EVL: variants seen among roughly 807,000 people sequenced by gnomAD.
The protein encoded by EVL is ena/VASP-like protein.
Under a neutral mutation model 59.6 loss-of-function variants are expected in EVL, and 21 were observed. The ratio of observed to expected loss-of-function variants is 0.35; its 90% CI spans 0.25 to 0.51. The LOEUF (loss-of-function observed/expected upper bound fraction) is 0.51, where lower values mean the gene tolerates loss of function less well. Ranked by LOEUF, EVL falls within the 20% of genes least tolerant of loss-of-function variation. The pLI is 0.97. For synonymous variants in EVL, 198 were observed against 203.5 expected, an observed-to-expected ratio of 0.97 and a Z score of 0.23; for missense variants, 462 against 546.6, an observed-to-expected ratio of 0.85 and a Z score of 1.54.
In EVL at chr14:100,132,749, A is replaced by T. The variant is rs763804613; in HGVS notation, c.870A>T (p.Pro290=). 115 of 1,614,064 alleles carry T rather than the reference A, an allele frequency of 7.1e-5. No homozygotes were observed. Among genetic ancestry groups the T allele is most frequent in the Non-Finnish European group, 9.2e-5 (109 of 1,180,038 alleles). ...RRKAASQSDK[P]AEKKEDESQM... is the part of the protein sequence containing the mutation. ...AAGCAGCCTCCCAGTCAGACAAGCC[A>T]GCCGAGAAGAAGGAAGATGAAAGCC... The change falls in exon 8 of 14, where the codon CCA becomes CCT. Residue 290 remains proline, a synonymous_variant. Coordinates refer to ENST00000392920, the MANE Select transcript of EVL (RefSeq NM_016337.3).
At chr14:100,134,071 CGTT>C (rs1215201404) in intron 8 of EVL, among the ~76,000 whole-genome samples, 1 of 152,346 alleles carries the variant, frequency 6.6e-6, no homozygotes, top group African/African-American at 2.4e-5. Context: ...TGTGGAGACT[CGTT>C]GTCTCCTGCC....
intron 1 of EVL, among the ~76,000 whole-genome samples, chr14:100,082,228 C>T (rs555178539): frequency 1.3e-5 from 2 of 151,720 alleles, no homozygotes; most frequent in African/African-American, 2.4e-5. Context: ...CATCTGACTG[C>T]CTTACTAGCT....
chr14:99,976,654 G>A (rs553927043), intron 1 of EVL, among the ~76,000 whole-genome samples: 1 of 152,134 alleles, frequency 6.6e-6, no homozygotes, highest in African/African-American at 2.4e-5. Flanking sequence ...GCTGTTATAA[G>A]GCACATGGGA....
intron 1 of EVL, among the ~76,000 whole-genome samples, chr14:99,980,090 T>C (rs2060796868): frequency 6.6e-6 from 1 of 152,230 alleles, no homozygotes. Context: ...CCATTTTACC[T>C]AAGGGATTTG....
chr14:100,010,763 T>G (rs1047046885), intron 1 of EVL, among the ~76,000 whole-genome samples: 3 of 152,174 alleles, frequency 2.0e-5, no homozygotes, highest in African/African-American at 7.2e-5. Context: ...CATTGTTATA[T>G]TGGAAAGAAA....
At chr14:100,003,699 G>A (rs1053122523) in intron 1 of EVL, among the ~76,000 whole-genome samples, 15 of 152,210 alleles carry the variant, frequency 9.9e-5, no homozygotes, top group South Asian at 4.1e-4. Flanking sequence ...GAATACAGGC[G>A]TGAGCCCCCA....
chr14:100,038,707 T>G (rs1395444875), intron 1 of EVL, among the ~76,000 whole-genome samples: 2 of 151,674 alleles, frequency 1.3e-5, no homozygotes, highest in East Asian at 3.9e-4. Context: ...AGGCCACAGC[T>G]TGGGTGGGTA....
chr14:100,065,004 T>C (rs569426010), upstream of EVL, among the ~76,000 whole-genome samples: 14 of 152,244 alleles, frequency 9.2e-5, no homozygotes, highest in Non-Finnish European at 1.8e-4. Flanking sequence ...CGAGTTCTTG[T>C]AGCCTTTTCT....
intron 1 of EVL, among the ~76,000 whole-genome samples, chr14:100,032,637 C>T (rs187893541): frequency 4.6e-5 from 7 of 152,324 alleles, no homozygotes; most frequent in African/African-American, 1.7e-4. Context: ...TCTGCACTCA[C>T]CACTTTGCTT....
At chr14:100,100,461 A>G (rs558693517) in intron 3 of EVL, among the ~76,000 whole-genome samples, 29 of 152,196 alleles carry the variant, frequency 1.9e-4, no homozygotes, top group Non-Finnish European at 4.0e-4. Context: ...ATGCAACTTG[A>G]TGAACTGTTA....
chr14:100,082,136 A>G (rs780927563), intron 1 of EVL, among the ~76,000 whole-genome samples: 12 of 151,958 alleles, frequency 7.9e-5, no homozygotes, highest in African/African-American at 1.5e-4. Context: ...AAAAATAAAT[A>G]AATAAAAATT....
At chr14:100,065,344 T>C, upstream of EVL, 1 of 731,246 alleles carries the variant, frequency 1.4e-6, no homozygotes, top group East Asian at 3.8e-5. Flanking sequence ...TGTTTCCCCT[T>C]TGTCTCTGGT....
intron 1 of EVL, among the ~76,000 whole-genome samples, chr14:100,066,866 C>G (rs1390014993): frequency 1.3e-5 from 2 of 152,166 alleles, no homozygotes; most frequent in Non-Finnish European, 2.9e-5. Flanking sequence ...TTTTGGGCAC[C>G]TTATTCTCCA....
intron 1 of EVL, among the ~76,000 whole-genome samples, chr14:99,994,677 A>G (rs2060900965): frequency 6.6e-6 from 1 of 152,140 alleles, no homozygotes; most frequent in Non-Finnish European, 1.5e-5. Flanking sequence ...TTTAAAAGTT[A>G]TTTACTCACC....
chr14:99,976,424 A>T (rs1047234206), intron 1 of EVL, among the ~76,000 whole-genome samples: 2 of 152,006 alleles, frequency 1.3e-5, no homozygotes, highest in Non-Finnish European at 2.9e-5. Context: ...ACCTCCTTTA[A>T]CATAGTATGT....
intron 1 of EVL, among the ~76,000 whole-genome samples, chr14:100,034,304 G>A (rs958497200): frequency 6.6e-6 from 1 of 151,442 alleles, no homozygotes; most frequent in African/African-American, 2.4e-5. Flanking sequence ...ACAGTACATA[G>A]TAGCATGAAG....
chr14:100,085,835 G>A (rs1474442503), intron 2 of EVL, among the ~76,000 whole-genome samples: 1 of 152,108 alleles, frequency 6.6e-6, no homozygotes, highest in Non-Finnish European at 1.5e-5. Flanking sequence ...CTGATAAAAG[G>A]TAGTCTTTCT....
chr14:100,014,253 A>G (rs1424915210), intron 1 of EVL, among the ~76,000 whole-genome samples: 1 of 152,100 alleles, frequency 6.6e-6, no homozygotes, highest in Non-Finnish European at 1.5e-5. Context: ...TATTCTACTC[A>G]CAAGTTCGAT....
At chr14:100,030,776 C>T (rs2061302298) in intron 1 of EVL, among the ~76,000 whole-genome samples, 1 of 152,198 alleles carries the variant, frequency 6.6e-6, no homozygotes, top group Admixed American at 6.5e-5. Context: ...TGTTTTCTGG[C>T]TAACTGTGAT....
Sources: gnomAD v4.1 joint callset for allele counts (sites outside exome capture counted in the v4.1 genomes callset) on GRCh38, gnomAD v4.1.1 for gene constraint, MANE v1.5 for transcripts, NCBI Gene and HGNC (gene_info 2026-07-23, HGNC 2026-07-21) for gene names.